The following GDPD4 variants were observed in gnomAD, a reference collection of about 807,000 sequenced individuals.
GDPD4 encodes glycerophosphodiester phosphodiesterase 6.
Under a neutral mutation model 67.8 loss-of-function variants are expected in GDPD4, and 60 were observed. That is an observed-to-expected ratio of 0.88 (90% CI 0.72 to 1.10). The LOEUF is 1.10. GDPD4 is among the 50% of genes least tolerant of loss of function. The probability of loss-of-function intolerance (pLI) is 0.00; values close to 1 mark genes in which losing one functional copy is unlikely to be tolerated. For synonymous variants in GDPD4, 212 were observed against 210.9 expected (o/e 1.00, Z -0.04); for missense variants, 623 against 613.9 (o/e 1.01, Z -0.16).
intron 12 of GDPD4, among the ~76,000 whole-genome samples, chr11:77,244,254 C>G (rs1310694432): frequency 6.6e-6 from 1 of 152,096 alleles, no homozygotes; most frequent in African/African-American, 2.4e-5. Flanking sequence ...AGGATGGTCT[C>G]GATCTCCTGA....
chr11:77,226,897 G>A (rs1465626165), intron 16 of GDPD4, among the ~76,000 whole-genome samples: 1 of 152,062 alleles, frequency 6.6e-6, no homozygotes, highest in Non-Finnish European at 1.5e-5. Context: ...TGATCCCTGT[G>A]GATTCATTCC....
At chr11:77,296,452 C>G (rs1274739522) in intron 1 of GDPD4, among the ~76,000 whole-genome samples, 1 of 150,826 alleles carries the variant, frequency 6.6e-6, no homozygotes, top group African/African-American at 2.4e-5. Flanking sequence ...TCCTGAGTAG[C>G]TGGCATTACA....
chr11:77,284,324 T>C (rs920580633), intron 3 of GDPD4, among the ~76,000 whole-genome samples: 6 of 152,188 alleles, frequency 3.9e-5, no homozygotes, highest in African/African-American at 1.4e-4. Context: ...GTATACAATA[T>C]GAGCATAATA....
intron 13 of GDPD4, among the ~76,000 whole-genome samples, chr11:77,239,656 A>T (rs1958627532): frequency 2.0e-5 from 3 of 152,142 alleles, no homozygotes. Flanking sequence ...TACACTAAAA[A>T]CTATGAAACA....
chr11:77,294,719 T>C (rs2135896947), intron 1 of GDPD4, among the ~76,000 whole-genome samples: 1 of 152,230 alleles, frequency 6.6e-6, no homozygotes, highest in South Asian at 2.1e-4. Flanking sequence ...GTATTTTGAC[T>C]CAAACTACCT....
chr11:77,249,537 C>T (rs1231991025), intron 11 of GDPD4, among the ~76,000 whole-genome samples: 1 of 152,144 alleles, frequency 6.6e-6, no homozygotes, highest in African/African-American at 2.4e-5. Context: ...CTTATTGGAT[C>T]TGTAATAGAG....
At chr11:77,236,250 T>C (rs931663004) in intron 13 of GDPD4, among the ~76,000 whole-genome samples, 1 of 152,046 alleles carries the variant, frequency 6.6e-6, no homozygotes, top group African/African-American at 2.4e-5. Context: ...TTGTTACATA[T>C]GTATACATGT....
chr11:77,235,017 T>TTTTTTTG (rs1958528563), intron 13 of GDPD4, among the ~76,000 whole-genome samples: 1 of 124,938 alleles, frequency 8.0e-6, no homozygotes, highest in African/African-American at 3.0e-5. Context: ...CTGTTTTTTT[T>TTTTTTTG]TTTTTTTTTT....
chr11:77,299,873 A>C (rs2049353670), intron 1 of GDPD4, among the ~76,000 whole-genome samples: 1 of 152,222 alleles, frequency 6.6e-6, no homozygotes, highest in Admixed American at 6.5e-5. Context: ...AGTTGGAGTC[A>C]AATAATACAA....
chr11:77,247,183 ATCT>A (rs1958797832), intron 11 of GDPD4, among the ~76,000 whole-genome samples: 1 of 152,198 alleles, frequency 6.6e-6, no homozygotes, highest in Non-Finnish European at 1.5e-5. Context: ...CAGAAGGCAG[ATCT>A]AAACCATGGT....
At chr11:77,233,356 T>A (rs952364587) in intron 13 of GDPD4, among the ~76,000 whole-genome samples, 184 bp from the exon 14 acceptor site, 3 of 151,208 alleles carry the variant, frequency 2.0e-5, no homozygotes, top group African/African-American at 7.3e-5. Flanking sequence ...AAGGATTGGA[T>A]TTAGCACCTC....
At chr11:77,256,489 T>C (rs1959006743) in intron 11 of GDPD4, among the ~76,000 whole-genome samples, 2 of 152,224 alleles carry the variant, frequency 1.3e-5, no homozygotes, top group African/African-American at 4.8e-5. Context: ...CTTTCAGCTA[T>C]TTCTTATATC....
chr11:77,271,827 C>A (rs1012001435), intron 5 of GDPD4, among the ~76,000 whole-genome samples: 42 of 152,180 alleles, frequency 2.8e-4, no homozygotes, highest in African/African-American at 9.9e-4. Context: ...TTTTCCCCAA[C>A]AGACTATAAG....
intron 16 of GDPD4, among the ~76,000 whole-genome samples, chr11:77,223,721 T>C (rs1202024389): frequency 6.6e-6 from 1 of 151,834 alleles, no homozygotes; most frequent in Admixed American, 6.5e-5. Flanking sequence ...ACCACTACTC[T>C]CTTCAGAGCT....
intron 5 of GDPD4, among the ~76,000 whole-genome samples, chr11:77,274,724 T>G (rs1221248496): frequency 6.6e-6 from 1 of 152,186 alleles, no homozygotes; most frequent in African/African-American, 2.4e-5. Context: ...ATTTAAGACT[T>G]AAGGGGACCA....
intron 11 of GDPD4, among the ~76,000 whole-genome samples, chr11:77,248,507 C>T (rs1269873918): frequency 1.3e-5 from 2 of 151,802 alleles, no homozygotes; most frequent in African/African-American, 2.4e-5. Context: ...GCCAACAATA[C>T]AATTTTCTTG....
rs993140101 is a variant in GDPD4, at chr11:77,244,351, T to C, written c.1087-503A>G. 6.6e-5 allele frequency among the ~76,000 whole-genome samples: 10 copies of C among 152,144 alleles called. 1 individual carries two copies. Among genetic ancestry groups the C allele is most frequent in the Non-Finnish European group, 1.3e-4 (9 of 68,016 alleles). ...CCAGCCCTGGGCTAGTATCTTCTAA[T>C]GAACTCTTATAATGGGGCTTTCACT... On this transcript the variant is annotated intron_variant, in intron 12 of 16. Coordinates refer to ENST00000315938, the MANE Select transcript of GDPD4 (RefSeq NM_182833.3).
rs1959198587 is a variant in GDPD4 at position 77,269,866 on chromosome 11, C to G, written c.478+17G>C. The G allele has an allele frequency of 7.0e-7, 1 of 1,426,416 alleles. No individual in the cohort carries two copies. The highest frequency in any genetic ancestry group is 1.4e-5 in the African/African-American group (1 of 69,524). The allele number at this position is 1,426,416 out of a possible 1,614,324, so 88.4% of individuals were successfully genotyped here. Reference sequence around the variant, plus strand: ...CTTTGCTTTAGTGACTTTCAAATCTCAGTCTCCAGCTCTAACCTCTTAACC... The same window carrying G: ...CTTTGCTTTAGTGACTTTCAAATCTGAGTCTCCAGCTCTAACCTCTTAACC... On this transcript the variant is annotated intron_variant, in intron 8 of 16. Coordinates refer to ENST00000315938, the MANE Select transcript of GDPD4 (RefSeq NM_182833.3).
chr11:77,235,357 C>T (rs1218018044), intron 13 of GDPD4, among the ~76,000 whole-genome samples: 2 of 151,634 alleles, frequency 1.3e-5, no homozygotes, highest in Non-Finnish European at 2.9e-5. Context: ...AAAAGCACAG[C>T]CCTACAATAA....
Sources: gnomAD v4.1 joint callset for allele counts (sites outside exome capture counted in the v4.1 genomes callset) on GRCh38, gnomAD v4.1.1 for gene constraint, MANE v1.5 for transcripts, NCBI Gene and HGNC (gene_info 2026-07-23, HGNC 2026-07-21) for gene names.